The following ADAMTS17 variants were observed in gnomAD, a reference collection of about 807,000 sequenced individuals.
ADAMTS17 encodes the protein ADAM metallopeptidase with thrombospondin type 1 motif 17.
ADAMTS17 carries 113 observed loss-of-function variants against 141.5 expected under a neutral mutation model. The ratio of observed to expected loss-of-function variants is 0.80; its 90% CI spans 0.69 to 0.93. ADAMTS17 has a LOEUF of 0.93. ADAMTS17 is among the 40% of genes least tolerant of loss of function. The pLI is 0.00. For missense variants in ADAMTS17, 1,659 were observed against 1,517.9 expected (o/e 1.09, Z -1.54); for synonymous variants, 768 against 630.6 (o/e 1.22, Z -3.27).
At chr15:100,056,156 G>A (rs2032548083) in intron 15 of ADAMTS17, among the ~76,000 whole-genome samples, 1 of 152,196 alleles carries the variant, frequency 6.6e-6, no homozygotes, top group Non-Finnish European at 1.5e-5. Flanking sequence ...CTTCTAGTGA[G>A]CTAATAATGC....
intron 7 of ADAMTS17, among the ~76,000 whole-genome samples, chr15:100,211,143 A>AAAC (rs2041794951): frequency 9.9e-6 from 1 of 101,276 alleles, no homozygotes; most frequent in Non-Finnish European, 2.5e-5. Context: ...AATAAATAAA[A>AAAC]ATACAAAAAT....
Position 100,234,208 on chromosome 15 carries a change from G to A in ADAMTS17, c.1075+19928C>T, listed in dbSNP as rs191850168. Among the ~76,000 whole-genome samples the A allele has an allele frequency of 9.7e-4, 147 of 152,304 alleles. 1 individual carries two copies. Among genetic ancestry groups the A allele is most frequent in the African/African-American group, 3.4e-3 (140 of 41,548 alleles). ...GGCATTGCAGATGGATTAGAAGTGT[G>A]TATCGGGCACCTTCAGAAACAAAGA... On this transcript the variant is annotated intron_variant, in intron 7 of 21. Transcript: ENST00000268070.
rs149703491 is a variant in ADAMTS17 at position 100,222,346 on chromosome 15, C to T, written c.1076-22923G>A. The stretch of plus-strand genomic sequence containing the variant: ...CTGGCGGGCAGACCAGATGCTCCTG[C>T]CAGCCCACGTAGATGAAAGGGGCCA... On this transcript the variant is annotated intron_variant, in intron 7 of 21. Transcript: ENST00000268070. Among the ~76,000 whole-genome samples, 155 of 152,312 alleles carry T rather than the reference C, an allele frequency of 1.0e-3. 1 individual carries two copies. Among genetic ancestry groups the T allele is most frequent in the South Asian group, 3.7e-3 (18 of 4,822 alleles).
At chr15:100,191,554 C>T (rs1356325500) in intron 8 of ADAMTS17, among the ~76,000 whole-genome samples, 1 of 152,196 alleles carries the variant, frequency 6.6e-6, no homozygotes, top group Non-Finnish European at 1.5e-5. Context: ...GTCGTCGCCT[C>T]GCATGAGACT....
chr15:100,081,478 G>A (rs946632956), intron 15 of ADAMTS17, among the ~76,000 whole-genome samples: 14 of 151,982 alleles, frequency 9.2e-5, no homozygotes, highest in South Asian at 2.1e-4. Context: ...TCATTCAATC[G>A]CACACTTTAA....
intron 18 of ADAMTS17, among the ~76,000 whole-genome samples, chr15:100,024,653 T>A (rs1306243952): frequency 1.3e-5 from 2 of 152,196 alleles, no homozygotes; most frequent in Non-Finnish European, 2.9e-5. Flanking sequence ...GTGACGATGC[T>A]TTACATTTGT....
At chr15:100,204,015 C>T (rs2041440006) in intron 7 of ADAMTS17, among the ~76,000 whole-genome samples, 1 of 152,154 alleles carries the variant, frequency 6.6e-6, no homozygotes, top group Non-Finnish European at 1.5e-5. Flanking sequence ...CCATCCATGC[C>T]AGCACAACAC....
rs980768164 is a variant in ADAMTS17 at position 99,993,766 on chromosome 15, G to A, written c.2797-566C>T. ...GTGAGGCAGGTGGAAAGCCTTTGCA[G>A]AGAGCTCCAGTGAATGTCTGAATGC... On this transcript the variant is annotated intron_variant, in intron 19 of 21. Coordinates refer to ENST00000268070, the MANE Select transcript of ADAMTS17 (RefSeq NM_139057.4). This position sits in a 1 kb window ranked among gnomAD's most constrained non-coding sequence, Gnocchi z 4.3. Among the ~76,000 whole-genome samples, 2 of 152,228 alleles carry A rather than the reference G, an allele frequency of 1.3e-5. No homozygotes were observed. The highest frequency in any genetic ancestry group is 1.5e-5 in the Non-Finnish European group (1 of 68,042).
intron 8 of ADAMTS17, among the ~76,000 whole-genome samples, chr15:100,169,970 T>C (rs1015463801): frequency 6.6e-6 from 1 of 152,280 alleles, no homozygotes; most frequent in South Asian, 2.1e-4. Context: ...GTTGGTTCCC[T>C]TCTTCCCGGA....
At chr15:100,212,683 C>T (rs150586074) in intron 7 of ADAMTS17, among the ~76,000 whole-genome samples, 1 of 152,290 alleles carries the variant, frequency 6.6e-6, no homozygotes, top group East Asian at 1.9e-4. Flanking sequence ...GTTACCCAAG[C>T]ATTCCTCAGA....
intron 14 of ADAMTS17, among the ~76,000 whole-genome samples, chr15:100,102,710 G>A (rs763401282): frequency 1.4e-4 from 21 of 152,154 alleles, no homozygotes; most frequent in Non-Finnish European, 2.5e-4. Context: ...CCCCAACGCA[G>A]AAGGCTGGGC....
At chr15:100,143,403 T>A (rs1348330166) in intron 10 of ADAMTS17, among the ~76,000 whole-genome samples, 1 of 152,022 alleles carries the variant, frequency 6.6e-6, no homozygotes, top group African/African-American at 2.4e-5. Flanking sequence ...AAACTTGTAA[T>A]CATAAAAAAG....
At chr15:100,167,288 C>G (rs1284815552) in intron 8 of ADAMTS17, among the ~76,000 whole-genome samples, 1 of 152,180 alleles carries the variant, frequency 6.6e-6, no homozygotes, top group Non-Finnish European at 1.5e-5. Context: ...AATCTCATAA[C>G]ACAGCTGGAG....
chr15:100,142,628 C>G (rs2038712299), intron 10 of ADAMTS17, among the ~76,000 whole-genome samples: 1 of 152,152 alleles, frequency 6.6e-6, no homozygotes, highest in African/African-American at 2.4e-5. Context: ...GATGAGAAGA[C>G]TGAGACATAG....
intron 18 of ADAMTS17, among the ~76,000 whole-genome samples, chr15:100,007,596 G>T (rs891957699): frequency 6.6e-6 from 1 of 152,026 alleles, no homozygotes; most frequent in African/African-American, 2.4e-5. Context: ...TGGTATGTGG[G>T]GTCAAAGAGA....
intron 12 of ADAMTS17, among the ~76,000 whole-genome samples, chr15:100,127,239 A>C (rs2037786030): frequency 2.0e-5 from 3 of 152,172 alleles, no homozygotes; most frequent in African/African-American, 4.8e-5. Flanking sequence ...GATGTAATTA[A>C]GCTAAGGATC....
intron 7 of ADAMTS17, among the ~76,000 whole-genome samples, chr15:100,251,988 T>C (rs1596364888): frequency 6.6e-6 from 1 of 152,182 alleles, no homozygotes; most frequent in South Asian, 2.1e-4. Flanking sequence ...ATTTCTGTTG[T>C]TAAAGCCACT....
At chr15:100,208,583 G>A (rs140973203) in intron 7 of ADAMTS17, among the ~76,000 whole-genome samples, 1,557 of 152,260 alleles carry the variant, frequency 0.01, 10 homozygotes, top group Middle Eastern at 0.031. Flanking sequence ...GGCCCTGCCC[G>A]GGGGCTGATA....
At chr15:100,047,113 A>T (rs980161307) in intron 18 of ADAMTS17, among the ~76,000 whole-genome samples, 13 of 152,078 alleles carry the variant, frequency 8.5e-5, no homozygotes, top group South Asian at 2.1e-4. Flanking sequence ...TGGTTGAGAC[A>T]GTAGGCATGA....
Sources: allele counts gnomAD v4.1 joint callset (sites outside exome capture counted in the v4.1 genomes callset), GRCh38; gene constraint gnomAD v4.1.1; non-coding constraint Gnocchi (gnomAD v3.1); transcripts MANE v1.5; gene names NCBI Gene and HGNC (gene_info 2026-07-23, HGNC 2026-07-21).